PALLD: variants seen among roughly 807,000 people sequenced by gnomAD.
The protein encoded by PALLD is palladin, cytoskeletal associated protein.
In PALLD, 61 loss-of-function variants were observed where a neutral mutation model predicts 123.5. The observed-to-expected ratio is 0.49, with a 90% CI of 0.40 to 0.61. The LOEUF is 0.61. Among genes scored for constraint, PALLD ranks in the 20% least tolerant of loss-of-function variants. PALLD has a pLI of 0.00. For missense variants in PALLD, 1,273 were observed against 1,377.0 expected, an observed-to-expected ratio of 0.92 and a Z score of 1.20; for synonymous variants, 465 against 496.4, an observed-to-expected ratio of 0.94 and a Z score of 0.84.
chr4:168,598,430 G>A, intron 2 of PALLD: 2 of 626,324 alleles, frequency 3.2e-6, no homozygotes, highest in South Asian at 2.8e-5. Context: ...AAACATTTCT[G>A]TGATTGGTTT....
chr4:168,686,689 A>G (rs1057332955), intron 6 of PALLD: 2 of 152,224 alleles, frequency 1.3e-5, no homozygotes, highest in Non-Finnish European at 2.9e-5. Flanking sequence ...TCTCGATCTT[A>G]GTATATATGA....
intron 2 of PALLD, chr4:168,598,236 A>G (rs1294389637): frequency 5.4e-5 from 21 of 387,968 alleles, no homozygotes; most frequent in Non-Finnish European, 1.1e-4. Context: ...CACCAGAAAA[A>G]AATTTAGTTA....
Position 168,896,559 on chromosome 4 carries a change from C to T in PALLD, c.2210C>T (p.Ser737Phe). 1.3e-6 allele frequency: 2 copies of T among 1,503,878 alleles called. No homozygotes were observed. 93.2% of individuals were successfully genotyped at this position (1,503,878 alleles called of 1,614,324 possible). The change falls in exon 13 of 22, where the codon TCT (serine) becomes TTT (phenylalanine). Residue 737 changes from serine (S) to phenylalanine (F), a missense_variant. Ser to Phe is a radical substitution (Grantham distance 155). Coordinates refer to ENST00000505667, the MANE Select transcript of PALLD (RefSeq NM_001166108.2). ...TTTCTACCATTACAGGACATTGGTT[C>T]TCCTCATGCTTCTGTAGGGAGTCCT... is the stretch of plus-strand genomic sequence containing the variant. ...EEETANQDIG[S>F]PHASVGSPLD...
chr4:168,913,813 A>G (rs116560543), intron 15 of PALLD, 114 bp from the exon 16 acceptor site: 4 of 783,284 alleles, frequency 5.1e-6, no homozygotes, highest in Non-Finnish European at 9.1e-6. Flanking sequence ...CTCAAATGGC[A>G]TACTGAATTT....
intron 10 of PALLD, among the ~76,000 whole-genome samples, chr4:168,874,610 A>G (rs1751495372): frequency 6.6e-6 from 1 of 151,892 alleles, no homozygotes; most frequent in Non-Finnish European, 1.5e-5. Flanking sequence ...GTAAGGTATA[A>G]AAGTGAATAA....
At chr4:168,683,218 T>C in intron 5 of PALLD, 115 bp downstream of exon 5, 1 of 613,516 alleles carries the variant, frequency 1.6e-6, no homozygotes, top group Non-Finnish European at 2.9e-6. Flanking sequence ...ATTTTCTAAG[T>C]GGACACAAAA....
chr4:168,824,676 T>C (rs1743172387), intron 10 of PALLD, among the ~76,000 whole-genome samples: 1 of 151,888 alleles, frequency 6.6e-6, no homozygotes, highest in African/African-American at 2.4e-5. Context: ...AAAATCTTAA[T>C]TTTTTTTCCT....
intron 10 of PALLD, among the ~76,000 whole-genome samples, chr4:168,720,973 A>G (rs532124546): frequency 9.8e-5 from 15 of 152,316 alleles, no homozygotes; most frequent in African/African-American, 3.4e-4. Flanking sequence ...TTGCTGTGCC[A>G]GTCTCTTGGT....
At chr4:168,864,266 A>C (rs950341687) in intron 10 of PALLD, 1 of 152,208 alleles carries the variant, frequency 6.6e-6, no homozygotes, top group Non-Finnish European at 1.5e-5. Flanking sequence ...GATTTTGAAC[A>C]TATCTTTTCT....
chr4:168,832,115 C>T, intron 10 of PALLD: 1 of 985,442 alleles, frequency 1.0e-6, no homozygotes. Flanking sequence ...CGCTGCAGCT[C>T]CCGCTCGCTC....
chr4:168,728,756 A>G (rs1786848323), intron 10 of PALLD, among the ~76,000 whole-genome samples: 1 of 152,112 alleles, frequency 6.6e-6, no homozygotes, highest in African/African-American at 2.4e-5. Context: ...ATCTAATTAC[A>G]TGAGTAAGCT....
chr4:168,785,381 C>T (rs1215879102), intron 10 of PALLD, among the ~76,000 whole-genome samples: 1 of 152,156 alleles, frequency 6.6e-6, no homozygotes, highest in Non-Finnish European at 1.5e-5. Context: ...TGCTGTGCAT[C>T]ACCCAACCCT....
chr4:168,768,105 G>A (rs560646529), intron 10 of PALLD, among the ~76,000 whole-genome samples: 50 of 152,180 alleles, frequency 3.3e-4, no homozygotes, highest in Non-Finnish European at 6.9e-4. Flanking sequence ...AAGTTTACCC[G>A]ACTTCCTCTC....
At chr4:168,760,145 C>T (rs529631611) in intron 10 of PALLD, among the ~76,000 whole-genome samples, 8 of 152,220 alleles carry the variant, frequency 5.3e-5, no homozygotes, top group Admixed American at 3.3e-4. Flanking sequence ...TTGTGTTTGA[C>T]GTGTCAGCCT....
At chr4:168,516,448 T>C (rs1033358167) in intron 2 of PALLD, among the ~76,000 whole-genome samples, 8 of 152,216 alleles carry the variant, frequency 5.3e-5, no homozygotes, top group African/African-American at 1.9e-4. Context: ...GGAGGCCTTA[T>C]ATTTTTAAAG....
chr4:168,561,605 A>G (rs1211868535), intron 2 of PALLD, among the ~76,000 whole-genome samples: 2 of 152,226 alleles, frequency 1.3e-5, no homozygotes, highest in African/African-American at 4.8e-5. Context: ...AATCCTTTTC[A>G]AGTTAGAAAA....
At chr4:168,797,819 C>T (rs529799512) in intron 10 of PALLD, among the ~76,000 whole-genome samples, 55 of 151,990 alleles carry the variant, frequency 3.6e-4, no homozygotes, top group South Asian at 6.2e-4. Flanking sequence ...CCTCTTCTAC[C>T]ACCTCAACCC....
chr4:168,782,894 G>A (rs1018914621), intron 10 of PALLD, among the ~76,000 whole-genome samples: 5 of 151,878 alleles, frequency 3.3e-5, no homozygotes, highest in Admixed American at 1.3e-4. Flanking sequence ...CAGCCTGGGC[G>A]ACAGAGTGAG....
chr4:168,875,062 T>C (rs529545686), intron 10 of PALLD, among the ~76,000 whole-genome samples: 39 of 151,856 alleles, frequency 2.6e-4, no homozygotes, highest in Non-Finnish European at 4.7e-4. Context: ...TGGAAATACA[T>C]AGTATTTCCA....
Sources: gnomAD v4.1 joint callset for allele counts (sites outside exome capture counted in the v4.1 genomes callset) on GRCh38, gnomAD v4.1.1 for gene constraint, MANE v1.5 for transcripts, NCBI Gene and HGNC (gene_info 2026-07-23, HGNC 2026-07-21) for gene names.